The following SPOCK3 variants were observed in gnomAD, a reference collection of about 807,000 sequenced individuals.
The protein encoded by SPOCK3 is SPARC (osteonectin), cwcv and kazal like domains proteoglycan 3, also known as testican-3.
Under a neutral mutation model 56.6 loss-of-function variants are expected in SPOCK3, and 30 were observed. That is an observed-to-expected ratio of 0.53 (90% CI 0.40 to 0.72). SPOCK3 has a LOEUF of 0.72. Among genes scored for constraint, SPOCK3 ranks in the 30% least tolerant of loss-of-function variants. The probability of loss-of-function intolerance (pLI) is 0.00; values close to 1 mark genes in which losing one functional copy is unlikely to be tolerated. For synonymous variants in SPOCK3, 196 were observed against 183.3 expected, an observed-to-expected ratio of 1.07 and a Z score of -0.56; for missense variants, 527 against 530.0, an observed-to-expected ratio of 0.99 and a Z score of 0.06.
intron 2 of SPOCK3, among the ~76,000 whole-genome samples, chr4:167,149,481 C>G (rs1375159478): frequency 6.6e-6 from 1 of 152,074 alleles, no homozygotes; most frequent in Non-Finnish European, 1.5e-5. Context: ...ATACTATAAA[C>G]TGATATACCC....
intron 3 of SPOCK3, among the ~76,000 whole-genome samples, chr4:167,003,489 AAC>A (rs1749152175): frequency 6.6e-6 from 1 of 152,198 alleles, no homozygotes; most frequent in Non-Finnish European, 1.5e-5. Context: ...CCACAACAAT[AAC>A]ACAACAAATT....
At chr4:167,163,319 T>C (rs1306392167) in intron 2 of SPOCK3, among the ~76,000 whole-genome samples, 1 of 151,966 alleles carries the variant, frequency 6.6e-6, no homozygotes, top group Non-Finnish European at 1.5e-5. Context: ...TATGGGTACA[T>C]AGTAGGTGTA....
chr4:166,975,121 C>T (rs1442303620), intron 4 of SPOCK3, among the ~76,000 whole-genome samples: 1 of 152,154 alleles, frequency 6.6e-6, no homozygotes, highest in South Asian at 2.1e-4. Context: ...AGGCCCTCCA[C>T]AGCAGCTGAC....
chr4:167,077,138 A>G lies in SPOCK3; in HGVS notation c.190-14601T>C, dbSNP rs577407956. Among the ~76,000 whole-genome samples the G allele has an allele frequency of 5.3e-5, 8 of 152,030 alleles. No homozygotes were observed. The East Asian group carries it at 1.4e-3, about 26-fold the overall frequency. Reference sequence around the variant, plus strand: ...ATTTCATTTTATATTAAGTGACTCTACATAATATATGCATCTAAAATAATG... The same window carrying G: ...ATTTCATTTTATATTAAGTGACTCTGCATAATATATGCATCTAAAATAATG... On this transcript the variant is annotated intron_variant, in intron 2 of 10. Transcript: ENST00000357545.
chr4:166,881,399 A>C (rs1733675298), intron 6 of SPOCK3, among the ~76,000 whole-genome samples: 2 of 151,964 alleles, frequency 1.3e-5, no homozygotes, highest in African/African-American at 4.8e-5. Context: ...CAAAATAAAA[A>C]AGCATAGAAT....
At chr4:167,146,699 A>T (rs1093054) in intron 2 of SPOCK3, among the ~76,000 whole-genome samples, 2 of 152,196 alleles carry the variant, frequency 1.3e-5, no homozygotes, top group African/African-American at 2.4e-5. Flanking sequence ...AACAACCTGC[A>T]CCTGAATGAC....
At chr4:167,216,318 C>A (rs34870090) in intron 2 of SPOCK3, among the ~76,000 whole-genome samples, 4,811 of 151,892 alleles carry the variant, frequency 0.032, 115 homozygotes, top group Middle Eastern at 0.075. Context: ...TTCTGTAATA[C>A]ATTAAAAGAT....
chr4:166,762,924 C>T (rs564155867), intron 7 of SPOCK3, among the ~76,000 whole-genome samples: 87 of 152,126 alleles, frequency 5.7e-4, no homozygotes, highest in African/African-American at 1.8e-3. Context: ...TGTCACTTGC[C>T]TTAACATATC....
At chr4:166,860,998 C>G (rs2126908832) in intron 6 of SPOCK3, among the ~76,000 whole-genome samples, 1 of 151,682 alleles carries the variant, frequency 6.6e-6, no homozygotes, top group East Asian at 1.9e-4. Flanking sequence ...AGAGCCTTAA[C>G]TGTCAATTAT....
chr4:166,980,917 G>T (rs548020945), intron 4 of SPOCK3, among the ~76,000 whole-genome samples: 1 of 152,290 alleles, frequency 6.6e-6, no homozygotes, highest in South Asian at 2.1e-4. Context: ...ATGGTGAGTG[G>T]GGGAGGGGGT....
intron 6 of SPOCK3, among the ~76,000 whole-genome samples, chr4:166,833,346 T>C (rs1369530621): frequency 6.6e-6 from 1 of 152,164 alleles, no homozygotes; most frequent in Non-Finnish European, 1.5e-5. Context: ...TCAATAAATG[T>C]CAGTTATGTC....
intron 3 of SPOCK3, among the ~76,000 whole-genome samples, chr4:167,037,175 C>T (rs1752828954): frequency 1.3e-5 from 2 of 152,094 alleles, no homozygotes; most frequent in Non-Finnish European, 2.9e-5. Context: ...GCTTTATATA[C>T]ACTATGCAGG....
intron 7 of SPOCK3, among the ~76,000 whole-genome samples, chr4:166,755,290 C>G (rs948885505): frequency 1.3e-5 from 2 of 152,016 alleles, no homozygotes; most frequent in African/African-American, 4.8e-5. Context: ...GCCACTTGGT[C>G]TCCTGCTTAC....
chr4:167,216,718 A>C (rs977262447), intron 2 of SPOCK3, among the ~76,000 whole-genome samples: 5 of 152,102 alleles, frequency 3.3e-5, no homozygotes, highest in Non-Finnish European at 7.4e-5. Flanking sequence ...CCTACGTTTT[A>C]AATAATCACA....
intron 6 of SPOCK3, among the ~76,000 whole-genome samples, chr4:166,800,016 C>T (rs1742374819): frequency 6.6e-6 from 1 of 151,540 alleles, no homozygotes; most frequent in East Asian, 2.0e-4. Context: ...CCTGTCTCTA[C>T]TAAACATACA....
chr4:166,838,462 G>A (rs1031701373), intron 6 of SPOCK3, among the ~76,000 whole-genome samples: 1 of 151,716 alleles, frequency 6.6e-6, no homozygotes, highest in Non-Finnish European at 1.5e-5. Flanking sequence ...CCTACACTAT[G>A]CTACTGAGTC....
chr4:166,946,601 C>T (rs1391086434), intron 4 of SPOCK3, among the ~76,000 whole-genome samples: 3 of 152,214 alleles, frequency 2.0e-5, no homozygotes, highest in Non-Finnish European at 4.4e-5. Flanking sequence ...ATGAAGCTTT[C>T]CCTGACCATC....
chr4:166,991,034 A>T (rs140386052), intron 4 of SPOCK3, among the ~76,000 whole-genome samples: 28 of 152,258 alleles, frequency 1.8e-4, no homozygotes, highest in African/African-American at 6.0e-4. Flanking sequence ...AATTATGCAC[A>T]TTTTGTTACA....
intron 2 of SPOCK3, among the ~76,000 whole-genome samples, chr4:167,221,420 C>T (rs888262502): frequency 1.3e-5 from 2 of 151,852 alleles, no homozygotes; most frequent in African/African-American, 4.8e-5. Flanking sequence ...TTTGAGCTGT[C>T]TGTAGTAACT....
Sources: gnomAD v4.1 joint callset for allele counts (sites outside exome capture counted in the v4.1 genomes callset) on GRCh38, gnomAD v4.1.1 for gene constraint, MANE v1.5 for transcripts, NCBI Gene and HGNC (gene_info 2026-07-23, HGNC 2026-07-21) for gene names.